The following ZNF235 variants were observed in gnomAD, a reference collection of about 807,000 sequenced individuals.
ZNF235 encodes zinc finger protein 235.
Under a neutral mutation model 29.4 loss-of-function variants are expected in ZNF235, and 25 were observed. The ratio of observed to expected loss-of-function variants is 0.85; its 90% CI spans 0.62 to 1.19. ZNF235 has a LOEUF of 1.19. Ranked by LOEUF, ZNF235 falls within the 50% of genes most tolerant of loss-of-function variation. ZNF235 has a pLI of 0.00. For missense variants in ZNF235, 788 were observed against 885.0 expected (o/e 0.89, Z 1.39); for synonymous variants, 300 against 295.3 (o/e 1.02, Z -0.16).
chr19:44,303,053 T>TA (rs1190212964), intron 2 of ZNF235, among the ~76,000 whole-genome samples: 7 of 140,812 alleles, frequency 5.0e-5, no homozygotes, highest in Non-Finnish European at 9.1e-5. Flanking sequence ...TACATTTATA[T>TA]AAAATATACG....
intron 2 of ZNF235, 67 bp from the exon 3 acceptor site, chr19:44,299,799 T>C (rs1453499090): frequency 1.1e-5 from 17 of 1,608,370 alleles, no homozygotes. Flanking sequence ...AGCAACTCTT[T>C]CTGTAGAGTT....
chr19:44,304,062 CAT>C (rs1975794698), intron 1 of ZNF235, among the ~76,000 whole-genome samples: 1 of 152,172 alleles, frequency 6.6e-6, no homozygotes, highest in African/African-American at 2.4e-5. Flanking sequence ...GGTTGTCTAA[CAT>C]AATTAGTTCC....
intron 4 of ZNF235, among the ~76,000 whole-genome samples, chr19:44,295,765 A>G (rs1975645864): frequency 6.6e-6 from 1 of 152,222 alleles, no homozygotes; most frequent in South Asian, 2.1e-4. Flanking sequence ...GGAATAGAAA[A>G]GAGAACCCAG....
At chr19:44,301,873 T>C (rs1332597459) in intron 2 of ZNF235, among the ~76,000 whole-genome samples, 4 of 152,192 alleles carry the variant, frequency 2.6e-5, no homozygotes, top group Non-Finnish European at 4.4e-5. Flanking sequence ...CCTGTCTCTT[T>C]ATGTTTAAAA....
At position 44,305,001 on chromosome 19, in the gene ZNF235, G is replaced by T; in HGVS notation, c.-79C>A. On this transcript the variant is annotated 5_prime_UTR_variant, in exon 1 of 5. Transcript: ENST00000291182. ...TGGGAGATATCTCAGATCCGACCTC[G>T]CCTTCCTGGAGCGGAAGTGCCTCCG... is the stretch of plus-strand genomic sequence containing the variant. The T allele has an allele frequency of 1.0e-6, 1 of 957,376 alleles. No individual in the cohort carries two copies. Among genetic ancestry groups the T allele is most frequent in the Non-Finnish European group, 1.2e-6 (1 of 804,412 alleles). The allele number at this position is 957,376 out of a possible 1,614,324, so 59.3% of individuals were successfully genotyped here.
At chr19:44,301,619 C>T (rs911540567) in intron 2 of ZNF235, among the ~76,000 whole-genome samples, 6 of 152,062 alleles carry the variant, frequency 3.9e-5, no homozygotes, top group Admixed American at 1.3e-4. Flanking sequence ...TACAGGTGTG[C>T]GCCACCACGC....
intron 4 of ZNF235, among the ~76,000 whole-genome samples, chr19:44,292,833 C>A (rs1294431662): frequency 6.6e-6 from 1 of 152,012 alleles, no homozygotes; most frequent in African/African-American, 2.4e-5. Context: ...ATCCTAAAAT[C>A]AGCAAGAGAA....
Position 44,287,587 on chromosome 19 carries a change from G to A in ZNF235, c.1848C>T (p.Ala616=). 1 of 1,611,184 alleles carries A rather than the reference G, an allele frequency of 6.2e-7. No individual in the cohort carries two copies. The highest frequency in any genetic ancestry group is 8.5e-7 in the Non-Finnish European group (1 of 1,179,044). The change falls in exon 5 of 5, where the codon GCC becomes GCT. Residue 616 remains alanine, a synonymous_variant. Coordinates refer to ENST00000291182, the MANE Select transcript of ZNF235 (RefSeq NM_004234.4). ...TCTCTCCGGTGTGGACTCTCTGATG[G>A]GCTTGAAGGTGTGAGGCCTGACTGA... is the stretch of plus-strand genomic sequence containing the variant. The part of the protein sequence containing the change: ...KRFSQASHLQ[A]HQRVHTGEKP...
intron 4 of ZNF235, chr19:44,289,422 G>T (rs1050194371): frequency 1.7e-5 from 8 of 472,238 alleles, no homozygotes; most frequent in African/African-American, 1.6e-4. Context: ...CCCAGGGTAT[G>T]GTTAAGGTGT....
rs184479893 is a variant in ZNF235 at position 44,294,125 on chromosome 19, G to C, written c.238+4683C>G. 3.9e-3 allele frequency among the ~76,000 whole-genome samples: 587 copies of C among 152,064 alleles called. 3 individuals are homozygous for C. Among genetic ancestry groups the C allele is most frequent in the African/African-American group, 0.013 (555 of 41,494 alleles). ...AAAGGATCAATGAAACGAAAAGCTC[G>C]TTTTTATCTCTGAAAAGATAAAATT... is the stretch of plus-strand genomic sequence containing the variant. On this transcript the variant is annotated intron_variant, in intron 4 of 4. Coordinates refer to ENST00000291182, the MANE Select transcript of ZNF235 (RefSeq NM_004234.4).
Position 44,287,723 on chromosome 19 carries a change from T to C in ZNF235, c.1712A>G (p.Tyr571Cys), listed in dbSNP as rs1568642490. The C allele has an allele frequency of 1.2e-6, 2 of 1,614,104 alleles. No individual in the cohort carries two copies. The highest frequency in any genetic ancestry group is 2.7e-5 in the African/African-American group (2 of 75,034). ...ACCCTTACCACACTCTTCACATTTG[T>C]AGGGTTTCTCTCCGGTGTGGACTCT... ...HQRVHTGEKP[Y>C]KCEECGKGFS... Residue 571 changes from tyrosine to cysteine, a missense_variant, in exon 5 of 5, where the codon TAC (tyrosine) becomes TGC (cysteine). Coordinates refer to ENST00000291182, the MANE Select transcript of ZNF235 (RefSeq NM_004234.4).
Position 44,298,789 on chromosome 19 carries a change from C to A in ZNF235, c.238+19G>T. ...AAAATAACAGCTGTTAACTACGATTCCGGCTGCACAGTACTCACCTGAATG... is the reference window on the plus strand; with the variant it reads ...AAAATAACAGCTGTTAACTACGATTACGGCTGCACAGTACTCACCTGAATG... On this transcript the variant is annotated intron_variant, in intron 4 of 4. Transcript: ENST00000291182. The A allele has an allele frequency of 6.4e-7, 1 of 1,555,368 alleles. No homozygotes were observed. Among genetic ancestry groups the A allele is most frequent in the East Asian group, 2.3e-5 (1 of 44,326 alleles).
Position 44,298,886 on chromosome 19 carries a change from G to T in ZNF235, c.160C>A (p.Pro54Thr), listed in dbSNP as rs773819311. ...CTCTCCAACTGGGATATCATATCTG[G>T]TTTGAAGGACTGATGTCCTATAAAA... The part of the protein sequence containing the change: ...LVSVGHQSFK[P>T]DMISQLEREE... Residue 54 changes from proline to threonine, a missense_variant, in exon 4 of 5, where the codon CCA (proline) becomes ACA (threonine). Pro to Thr is a conservative substitution (Grantham distance 38). Transcript: ENST00000291182. The T allele has an allele frequency of 1.9e-6, 3 of 1,613,062 alleles. No homozygotes were observed. The highest frequency in any genetic ancestry group is 2.5e-6 in the Non-Finnish European group (3 of 1,179,264).
At chr19:44,296,322 A>G (rs997266747) in intron 4 of ZNF235, among the ~76,000 whole-genome samples, 2 of 152,200 alleles carry the variant, frequency 1.3e-5, no homozygotes, top group African/African-American at 4.8e-5. Context: ...ATGTTTTTTA[A>G]GTTTTCAAAA....
At chr19:44,300,198 T>C (rs1175750731) in intron 2 of ZNF235, among the ~76,000 whole-genome samples, 4 of 152,256 alleles carry the variant, frequency 2.6e-5, no homozygotes, top group South Asian at 2.1e-4. Context: ...GGTCTATCCA[T>C]TGCTAGTTTT....
chr19:44,299,845 C>G (rs2722682), intron 2 of ZNF235, 113 bp from the exon 3 acceptor site: 1 of 1,550,622 alleles, frequency 6.4e-7, no homozygotes, highest in East Asian at 2.3e-5. Context: ...ACCAAAAATG[C>G]TAGGGGGAAG....
Position 44,303,380 on chromosome 19 carries a change from C to G in ZNF235, c.15+10G>C. On this transcript the variant is annotated intron_variant, in intron 2 of 4. Coordinates refer to ENST00000291182, the MANE Select transcript of ZNF235 (RefSeq NM_004234.4). ...TCATTTTAAGAAACACAAAGGCAAA[C>G]CAAACTTACCTGGAACTTGGTCATT... 1 of 1,611,512 alleles carries G rather than the reference C, an allele frequency of 6.2e-7. No individual in the cohort carries two copies. The highest frequency in any genetic ancestry group is 2.2e-5 in the East Asian group (1 of 44,700).
intron 4 of ZNF235, among the ~76,000 whole-genome samples, chr19:44,293,679 A>G (rs1047023011): frequency 1.3e-5 from 2 of 152,104 alleles, no homozygotes; most frequent in African/African-American, 4.8e-5. Flanking sequence ...GTCACAAAAA[A>G]AGTCTCAATA....
chr19:44,301,482 TTC>T (rs1491574179), intron 2 of ZNF235, among the ~76,000 whole-genome samples: 1 of 151,958 alleles, frequency 6.6e-6, no homozygotes, highest in Non-Finnish European at 1.5e-5. Flanking sequence ...TTTTTTTTTT[TTC>T]TTTTTTGAGA....
Sources: gnomAD v4.1 joint callset for allele counts (sites outside exome capture counted in the v4.1 genomes callset) on GRCh38, gnomAD v4.1.1 for gene constraint, MANE v1.5 for transcripts, NCBI Gene and HGNC (gene_info 2026-07-23, HGNC 2026-07-21) for gene names.